Variants in CFTR observed in about 807,000 individuals in gnomAD.
CFTR encodes cystic fibrosis transmembrane conductance regulator.
In CFTR, 181 loss-of-function variants were observed where a neutral mutation model predicts 171.6. The observed-to-expected ratio is 1.05, with a 90% CI of 0.93 to 1.19. The LOEUF (loss-of-function observed/expected upper bound fraction) is 1.19, where lower values mean the gene tolerates loss of function less well. Ranked by LOEUF, CFTR falls within the 50% of genes most tolerant of loss-of-function variation. CFTR has a pLI of 0.00. For synonymous variants in CFTR, 583 were observed against 608.0 expected, an observed-to-expected ratio of 0.96 and a Z score of 0.60; for missense variants, 1,968 against 1,734.7, an observed-to-expected ratio of 1.13 and a Z score of -2.39.
intron 11 of CFTR, among the ~76,000 whole-genome samples, chr7:117,570,297 G>A (rs1791670262): frequency 2.0e-5 from 3 of 151,954 alleles, no homozygotes; most frequent in Non-Finnish European, 4.4e-5. Context: ...TGTAACCAGC[G>A]AAATCCAATT....
At chr7:117,532,878 G>C (rs1476345305) in intron 4 of CFTR, among the ~76,000 whole-genome samples, 1 of 152,082 alleles carries the variant, frequency 6.6e-6, no homozygotes, top group African/African-American at 2.4e-5. Context: ...AGTAAACCTT[G>C]TGTTTACTTT....
chr7:117,505,983 C>T (rs911694878), intron 2 of CFTR, among the ~76,000 whole-genome samples: 1 of 151,954 alleles, frequency 6.6e-6, no homozygotes, highest in Admixed American at 6.6e-5. Context: ...GGTAGGGATA[C>T]TTTGTTTTGT....
intron 24 of CFTR, among the ~76,000 whole-genome samples, chr7:117,654,461 C>T (rs539047336): frequency 2.2e-4 from 34 of 152,040 alleles, no homozygotes; most frequent in Non-Finnish European, 3.1e-4. Context: ...TGTGTCCCCA[C>T]CCAAATCTTG....
intron 21 of CFTR, among the ~76,000 whole-genome samples, chr7:117,624,919 G>A (rs373074948): frequency 2.0e-5 from 3 of 152,128 alleles, no homozygotes; most frequent in East Asian, 1.9e-4. Context: ...TTCTGCTCTG[G>A]TTCTGATGTG....
intron 17 of CFTR, 125 bp from the exon 18 acceptor site, chr7:117,606,549 C>A (rs886746646): frequency 1.5e-6 from 1 of 670,902 alleles, no homozygotes. Context: ...CTATCTGATT[C>A]TATTTGCTAA....
At chr7:117,499,757 A>G (rs1390952318) in intron 1 of CFTR, among the ~76,000 whole-genome samples, 1 of 151,732 alleles carries the variant, frequency 6.6e-6, no homozygotes, top group African/African-American at 2.4e-5. Context: ...GGAATTTGCA[A>G]CCAGCTTGGG....
At chr7:117,589,823 AGTAAT>A (rs1791999477) in intron 12 of CFTR, among the ~76,000 whole-genome samples, 1 of 152,018 alleles carries the variant, frequency 6.6e-6, no homozygotes, top group Admixed American at 6.5e-5. Context: ...ATTTCACATA[AGTAAT>A]GTAATTTATT....
In CFTR at chr7:117,667,439, C is replaced by T; in HGVS notation, c.*331C>T. 2.7e-6 allele frequency: 1 copy of T among 368,872 alleles called. No homozygotes were observed. The highest frequency in any genetic ancestry group is 2.2e-5 in the South Asian group (1 of 45,956). The allele number at this position is 368,872 out of a possible 1,614,324, so 22.8% of individuals were successfully genotyped here. ...AAGGCAGCTCTAAATGTCAATCAGC[C>T]TAGTTGATCAGCTTATTGTCTAGTG... is the stretch of plus-strand genomic sequence containing the variant. On this transcript the variant is annotated 3_prime_UTR_variant, in exon 27 of 27. Coordinates refer to ENST00000003084, the MANE Select transcript of CFTR (RefSeq NM_000492.4).
At chr7:117,531,407 C>T (rs932331062) in intron 4 of CFTR, among the ~76,000 whole-genome samples, 6 of 151,644 alleles carry the variant, frequency 4.0e-5, no homozygotes, top group Non-Finnish European at 7.4e-5. Flanking sequence ...GTTAAGATGA[C>T]TCACACAGCC....
Position 117,621,609 on chromosome 7 carries a change from G to A in CFTR, c.3469-5913G>A, listed in dbSNP as rs77545764. Among the ~76,000 whole-genome samples, 875 of 152,280 alleles carry A rather than the reference G, an allele frequency of 5.7e-3. 13 individuals carry two copies. The highest frequency in any genetic ancestry group is 0.014 in the Middle Eastern group (4 of 294). On this transcript the variant is annotated intron_variant, in intron 21 of 26. Coordinates refer to ENST00000003084, the MANE Select transcript of CFTR (RefSeq NM_000492.4). ...CTCTACAAGACATGTAAAGGATGAG[G>A]CTTAATGACAGAGTACTTTGGGGAA...
At chr7:117,564,062 G>A (rs1294209387) in intron 11 of CFTR, among the ~76,000 whole-genome samples, 1 of 152,124 alleles carries the variant, frequency 6.6e-6, no homozygotes, top group African/African-American at 2.4e-5. Flanking sequence ...CAACTACATG[G>A]TCAATTCCTT....
At chr7:117,632,557 C>CA (rs56829741) in intron 22 of CFTR, among the ~76,000 whole-genome samples, 2,031 of 91,256 alleles carry the variant, frequency 0.022, 37 homozygotes, top group African/African-American at 0.066. Flanking sequence ...GACACTGTCT[C>CA]AAAAAAAAAA....
intron 1 of CFTR, among the ~76,000 whole-genome samples, chr7:117,489,529 T>C (rs1376165351): frequency 2.6e-5 from 4 of 152,030 alleles, no homozygotes; most frequent in Admixed American, 2.6e-4. Context: ...CCCTGAGTGT[T>C]GTACAACTCT....
At chr7:117,664,954 G>A (rs1793349163) in intron 25 of CFTR, 94 bp downstream of exon 25, 6 of 1,335,020 alleles carry the variant, frequency 4.5e-6, no homozygotes, top group South Asian at 1.2e-5. Context: ...AGGCTGTCAT[G>A]TCTGCGTGTG....
At chr7:117,596,475 C>T (rs1234904917) in intron 15 of CFTR, among the ~76,000 whole-genome samples, 1 of 152,244 alleles carries the variant, frequency 6.6e-6, no homozygotes, top group Admixed American at 6.5e-5. Flanking sequence ...CCATAGACCG[C>T]CCAAGGGCTG....
intron 15 of CFTR, among the ~76,000 whole-genome samples, chr7:117,595,319 TTTA>T (rs1231142068): frequency 1.5e-4 from 22 of 150,732 alleles, no homozygotes; most frequent in Admixed American, 1.3e-3. Context: ...CTACTGATAT[TTTA>T]TTATTTCATA....
intron 3 of CFTR, among the ~76,000 whole-genome samples, chr7:117,513,728 A>G (rs1044161632): frequency 1.9e-4 from 29 of 152,172 alleles, no homozygotes; most frequent in African/African-American, 6.8e-4. Flanking sequence ...AGGGACTGCT[A>G]TCTCCAGCAA....
chr7:117,601,877 TTTTG>T (rs1468378738), intron 15 of CFTR, among the ~76,000 whole-genome samples: 1 of 152,230 alleles, frequency 6.6e-6, no homozygotes, highest in Non-Finnish European at 1.5e-5. Context: ...TAAAAAGGTT[TTTTG>T]TTTGTTTATA....
At chr7:117,640,682 C>G (rs576572588) in intron 22 of CFTR, among the ~76,000 whole-genome samples, 14 of 152,138 alleles carry the variant, frequency 9.2e-5, no homozygotes, top group Non-Finnish European at 1.8e-4. Flanking sequence ...AATCATGACA[C>G]ATGATGAATG....
Sources: allele counts gnomAD v4.1 joint callset (sites outside exome capture counted in the v4.1 genomes callset), GRCh38; gene constraint gnomAD v4.1.1; transcripts MANE v1.5; gene names NCBI Gene and HGNC (gene_info 2026-07-23, HGNC 2026-07-21).